ATP6V1C2: variants seen among roughly 807,000 people sequenced by gnomAD.
The protein encoded by ATP6V1C2 is V-type proton ATPase subunit C 2.
In ATP6V1C2, 45 loss-of-function variants were observed where a neutral mutation model predicts 56.8. The observed-to-expected ratio is 0.79, with a 90% CI of 0.62 to 1.02. ATP6V1C2 has a LOEUF of 1.02. Ranked by LOEUF, ATP6V1C2 falls within the 50% of genes least tolerant of loss-of-function variation. The pLI, the probability that ATP6V1C2 is intolerant of heterozygous loss-of-function variation, is 0.00. For missense variants in ATP6V1C2, 463 were observed against 519.7 expected (o/e 0.89, Z 1.06); for synonymous variants, 220 against 201.3 (o/e 1.09, Z -0.79).
chr2:10,765,242 T>C (rs1389780787), intron 5 of ATP6V1C2, among the ~76,000 whole-genome samples: 1 of 152,206 alleles, frequency 6.6e-6, no homozygotes, highest in African/African-American at 2.4e-5. Flanking sequence ...GAACACCCTG[T>C]GACTCGAGTC....
At chr2:10,770,394 A>G (rs1187717585) in intron 6 of ATP6V1C2, among the ~76,000 whole-genome samples, 5 of 152,222 alleles carry the variant, frequency 3.3e-5, no homozygotes, top group Non-Finnish European at 5.9e-5. Flanking sequence ...GTGAAACTCC[A>G]TCTCAAACAA....
chr2:10,776,152 C>T (rs1434513785), intron 10 of ATP6V1C2, among the ~76,000 whole-genome samples: 2 of 152,188 alleles, frequency 1.3e-5, no homozygotes, highest in Admixed American at 1.3e-4. Context: ...GTTCTCGGAG[C>T]CCCTCTGGTC....
chr2:10,725,782 G>C (rs1166781974), intron 2 of ATP6V1C2, among the ~76,000 whole-genome samples: 4 of 151,438 alleles, frequency 2.6e-5, no homozygotes, highest in Non-Finnish European at 5.9e-5. Context: ...GCAAAGAACA[G>C]AGAAAAAGAC....
Position 10,783,974 on chromosome 2 carries a change from A to G in ATP6V1C2, c.*711A>G, listed in dbSNP as rs979437075. 1.1e-5 allele frequency: 3 copies of G among 261,202 alleles called. No individual in the cohort carries two copies. Among genetic ancestry groups the G allele is most frequent in the African/African-American group, 2.2e-5 (1 of 45,174 alleles). The allele number at this position is 261,202 out of a possible 1,614,324, so 16.2% of individuals were successfully genotyped here. A position where few individuals can be genotyped will look rare whatever the true frequency, so the allele number is the denominator to read the frequency against. ...AAACAGCCTCCAAGAACATTCAAGC[A>G]GCAGTCAGAGAGAAAAATGTTTCGA... On this transcript the variant is annotated 3_prime_UTR_variant, in exon 14 of 14. Transcript: ENST00000272238.
At chr2:10,753,048 T>C (rs1019490809) in intron 3 of ATP6V1C2, among the ~76,000 whole-genome samples, 2 of 152,216 alleles carry the variant, frequency 1.3e-5, no homozygotes, top group Admixed American at 6.6e-5. Context: ...CTACATTTGG[T>C]AATTGGCAGA....
intron 4 of ATP6V1C2, among the ~76,000 whole-genome samples, chr2:10,758,040 T>C (rs1663658191): frequency 6.6e-6 from 1 of 152,202 alleles, no homozygotes; most frequent in Non-Finnish European, 1.5e-5. Context: ...AGATTGGCAG[T>C]TATCAAATGC....
rs529779694 is a variant in ATP6V1C2 at position 10,742,693 on chromosome 2, C to T, written c.198-11288C>T. On this transcript the variant is annotated intron_variant, in intron 3 of 13. Transcript: ENST00000272238. ...CCCCCTCACCGTTGGGATAGAAGCC[C>T]TTCAGCCATCCTCTACCCCAGGGCC... Among the ~76,000 whole-genome samples the T allele has an allele frequency of 2.6e-5, 4 of 152,264 alleles. No individual in the cohort carries two copies. In the East Asian group the frequency reaches 7.7e-4, roughly 29 times the overall value.
chr2:10,722,905 T>C lies in ATP6V1C2; in HGVS notation c.56T>C (p.Leu19Pro). The C allele has an allele frequency of 6.2e-7, 1 of 1,614,148 alleles. No individual in the cohort carries two copies. Among genetic ancestry groups the C allele is most frequent in the Non-Finnish European group, 8.5e-7 (1 of 1,180,032 alleles). Residue 19 changes from leucine (L) to proline (P), a missense_variant, in exon 2 of 14, where the codon CTG (leucine) becomes CCG (proline). Leu to Pro is a moderately conservative substitution (Grantham distance 98, BLOSUM62 -3). Transcript: ENST00000272238. Reference sequence around the variant, plus strand: ...GGCGATAAGGAAAATTTGCAAGCTCTGGAGAGGATGAATACTGTAACCTCC... The same window carrying C: ...GGCGATAAGGAAAATTTGCAAGCTCCGGAGAGGATGAATACTGTAACCTCC... ...APGDKENLQA[L>P]ERMNTVTSKS...
At chr2:10,735,806 T>A (rs922601705) in intron 3 of ATP6V1C2, among the ~76,000 whole-genome samples, 1 of 151,950 alleles carries the variant, frequency 6.6e-6, no homozygotes, top group African/African-American at 2.4e-5. Context: ...CAGGCTGGTC[T>A]CAAACTCCTG....
At chr2:10,760,659 T>C (rs1193559958) in intron 4 of ATP6V1C2, among the ~76,000 whole-genome samples, 22 of 152,236 alleles carry the variant, frequency 1.4e-4, no homozygotes, top group Non-Finnish European at 1.5e-4. Context: ...ACACAGTCTT[T>C]GCCTTCTGGA....
At chr2:10,774,740 C>T (rs1664848146) in intron 8 of ATP6V1C2, 48 bp from the exon 9 acceptor site, 4 of 1,563,628 alleles carry the variant, frequency 2.6e-6, no homozygotes, top group Admixed American at 1.7e-5. Flanking sequence ...CCCACTCCCG[C>T]ACAAGGCCTA....
rs754760629 is a variant in ATP6V1C2 at position 10,775,061 on chromosome 2, A to C, written c.815A>C (p.Lys272Thr). The change falls in exon 10 of 14, where the codon AAG becomes ACG. Residue 272 changes from lysine to threonine, a missense_variant. By Grantham distance (78) the Lys-to-Thr change is moderately conservative. Coordinates refer to ENST00000272238, the MANE Select transcript of ATP6V1C2 (RefSeq NM_001039362.2). The stretch of plus-strand genomic sequence containing the variant: ...ATGGCCAGATTGCTGTCTGATAAGA[A>C]GCAACAGTATGTGAGTATGTGATTG... ...EEMARLLSDKKQQYQTSCVAL... is the reference protein window; with the variant it reads ...EEMARLLSDKTQQYQTSCVAL... 6.2e-7 allele frequency: 1 copy of C among 1,613,648 alleles called. No homozygotes were observed. The highest frequency in any genetic ancestry group is 8.5e-7 in the Non-Finnish European group (1 of 1,179,682).
At chr2:10,772,091 G>A (rs772542172) in intron 7 of ATP6V1C2, among the ~76,000 whole-genome samples, 154 bp downstream of exon 7, 20 of 152,226 alleles carry the variant, frequency 1.3e-4, no homozygotes, top group Non-Finnish European at 2.4e-4. Context: ...GCCTGCGGCT[G>A]TCAGTAGGGA....
intron 3 of ATP6V1C2, among the ~76,000 whole-genome samples, chr2:10,741,695 C>G (rs1470276126): frequency 1.9e-5 from 1 of 53,708 alleles, no homozygotes; most frequent in Non-Finnish European, 3.7e-5. Context: ...TGACCTGGGG[C>G]AAGCTTCTGG....
intron 3 of ATP6V1C2, among the ~76,000 whole-genome samples, chr2:10,748,711 A>G (rs1025666282): frequency 6.6e-6 from 1 of 152,172 alleles, no homozygotes; most frequent in African/African-American, 2.4e-5. Context: ...GGAGAAGTGT[A>G]GATTTATGAT....
At chr2:10,774,650 A>AGG in intron 8 of ATP6V1C2, 138 bp from the exon 9 acceptor site, 1 of 736,972 alleles carries the variant, frequency 1.4e-6, no homozygotes, top group South Asian at 1.7e-5. Context: ...AGGAAATCTC[A>AGG]GGGAGTGTCC....
intron 3 of ATP6V1C2, among the ~76,000 whole-genome samples, chr2:10,733,543 T>C (rs1382320927): frequency 2.0e-5 from 3 of 152,176 alleles, no homozygotes; most frequent in East Asian, 1.9e-4. Flanking sequence ...TTCTCTCTCT[T>C]TTTTTAATTT....
chr2:10,782,411 G>A, intron 13 of ATP6V1C2, 36 bp downstream of exon 13: 1 of 1,606,532 alleles, frequency 6.2e-7, no homozygotes, highest in Non-Finnish European at 8.5e-7. Flanking sequence ...TCTACAGTAA[G>A]CTCAGCATCT....
Position 10,784,969 on chromosome 2 carries a change from C to A in ATP6V1C2, c.*1706C>A, listed in dbSNP as rs147882132. 242 of 1,592,842 alleles carry A rather than the reference C, an allele frequency of 1.5e-4. No homozygotes were observed. In the African/African-American group the frequency reaches 2.7e-3, roughly 18 times the overall value. On this transcript the variant is annotated 3_prime_UTR_variant, in exon 14 of 14. Transcript: ENST00000272238. ...CTGCCGTCCCAAGGCTCTCTCTCAACGATGGTAGGGAAAGCCCCGCCTCCT... is the reference window on the plus strand; with the variant it reads ...CTGCCGTCCCAAGGCTCTCTCTCAAAGATGGTAGGGAAAGCCCCGCCTCCT...
Sources: gnomAD v4.1 joint callset for allele counts (sites outside exome capture counted in the v4.1 genomes callset) on GRCh38, gnomAD v4.1.1 for gene constraint, MANE v1.5 for transcripts, NCBI Gene and HGNC (gene_info 2026-07-23, HGNC 2026-07-21) for gene names.